EFCAB11: variants seen among roughly 807,000 people sequenced by gnomAD.
EFCAB11 encodes the protein EF-hand calcium binding domain 11.
In EFCAB11, 14 loss-of-function variants were observed where a neutral mutation model predicts 23.0. The observed-to-expected ratio is 0.61, with a 90% CI of 0.40 to 0.95. The LOEUF (loss-of-function observed/expected upper bound fraction) is 0.95, where lower values mean the gene tolerates loss of function less well. EFCAB11 is among the 40% of genes least tolerant of loss of function. The probability of loss-of-function intolerance (pLI) is 0.00; values close to 1 mark genes in which losing one functional copy is unlikely to be tolerated. For synonymous variants in EFCAB11, 65 were observed against 66.6 expected, an observed-to-expected ratio of 0.98 and a Z score of 0.11; for missense variants, 198 against 195.8, an observed-to-expected ratio of 1.01 and a Z score of -0.07.
intron 1 of EFCAB11, 98 bp downstream of exon 1, chr14:89,954,488 T>C: frequency 1.3e-6 from 2 of 1,553,774 alleles, no homozygotes; most frequent in South Asian, 1.2e-5. Flanking sequence ...CCAGGTCTTA[T>C]CTGCACACCC....
chr14:89,899,426 G>T (rs775069028), intron 5 of EFCAB11, among the ~76,000 whole-genome samples: 1 of 152,128 alleles, frequency 6.6e-6, no homozygotes, highest in Non-Finnish European at 1.5e-5. Flanking sequence ...CAAAATTCTA[G>T]ACTTTGGACA....
At chr14:89,932,280 C>A (rs1890416157) in intron 4 of EFCAB11, among the ~76,000 whole-genome samples, 1 of 152,060 alleles carries the variant, frequency 6.6e-6, no homozygotes, top group African/African-American at 2.4e-5. Flanking sequence ...TTTTGCAGTC[C>A]CCATGACAAT....
chr14:89,932,832 C>G (rs530840009), intron 3 of EFCAB11, among the ~76,000 whole-genome samples: 1 of 152,152 alleles, frequency 6.6e-6, no homozygotes, highest in Non-Finnish European at 1.5e-5. Context: ...AGATCCAACA[C>G]TAGAAATCAA....
chr14:89,901,761 T>A (rs1258835472), intron 5 of EFCAB11, among the ~76,000 whole-genome samples: 1 of 152,194 alleles, frequency 6.6e-6, no homozygotes, highest in Non-Finnish European at 1.5e-5. Context: ...TAATGGAATG[T>A]AACACAATAC....
At chr14:89,942,315 T>G (rs757822117) in intron 3 of EFCAB11, among the ~76,000 whole-genome samples, 1 of 152,228 alleles carries the variant, frequency 6.6e-6, no homozygotes, top group Non-Finnish European at 1.5e-5. Flanking sequence ...CAGATCTGCA[T>G]GATAACTGTT....
chr14:89,871,921 C>T (rs558752184), intron 5 of EFCAB11, among the ~76,000 whole-genome samples: 2 of 152,322 alleles, frequency 1.3e-5, no homozygotes, highest in South Asian at 4.1e-4. Context: ...AGAACAGAGA[C>T]TGCTGACAGT....
At chr14:89,801,251 T>G (rs1389754269) in intron 5 of EFCAB11, among the ~76,000 whole-genome samples, 4 of 152,248 alleles carry the variant, frequency 2.6e-5, no homozygotes, top group East Asian at 1.9e-4. Context: ...TTCCAAACTG[T>G]TTGTATTACC....
chr14:89,885,074 C>T (rs750832591), intron 5 of EFCAB11, among the ~76,000 whole-genome samples: 6 of 152,296 alleles, frequency 3.9e-5, no homozygotes, highest in Admixed American at 2.0e-4. Flanking sequence ...TTACAACAGA[C>T]GGACTAGACT....
chr14:89,923,458 A>G (rs1890084579), intron 5 of EFCAB11: 1 of 155,784 alleles, frequency 6.4e-6, no homozygotes, highest in African/African-American at 2.4e-5. Context: ...TTGAAACAAA[A>G]CCATTGAAAT....
intron 2 of EFCAB11, among the ~76,000 whole-genome samples, chr14:89,951,403 C>T (rs775432429): frequency 3.9e-5 from 6 of 152,032 alleles, no homozygotes; most frequent in Non-Finnish European, 8.8e-5. Context: ...AAATGACCAC[C>T]CAGACTGTTA....
chr14:89,851,612 AT>A lies in EFCAB11; in HGVS notation c.411-54289del, dbSNP rs2140139888. Among the ~76,000 whole-genome samples the A allele has an allele frequency of 1.3e-5, 2 of 152,336 alleles. 1 individual carries two copies. The highest frequency in any genetic ancestry group is 4.8e-5 in the African/African-American group (2 of 41,578). Reference sequence around the variant, plus strand: ...TCAGACTTCCACTTTAGCATTGACAATTTGGGGCAAAGCAAGCTGAGAGAAA... The same window carrying A: ...TCAGACTTCCACTTTAGCATTGACAATTGGGGCAAAGCAAGCTGAGAGAAA... On this transcript the variant is annotated intron_variant, in intron 5 of 5. Coordinates refer to ENST00000316738, the MANE Select transcript of EFCAB11 (RefSeq NM_145231.4).
chr14:89,896,773 C>CTCAAACTCCTGCATCT (rs1483610228), intron 5 of EFCAB11, among the ~76,000 whole-genome samples: 1 of 152,196 alleles, frequency 6.6e-6, no homozygotes. Context: ...TCACTGAAGC[C>CTCAAACTCCTGCATCT]TCAAACTCCT....
At chr14:89,846,396 A>ACAT (rs1224087385) in intron 5 of EFCAB11, among the ~76,000 whole-genome samples, 4 of 152,214 alleles carry the variant, frequency 2.6e-5, no homozygotes, top group Admixed American at 2.6e-4. Context: ...ACCTCTTTAG[A>ACAT]CATTACATTT....
intron 5 of EFCAB11, among the ~76,000 whole-genome samples, chr14:89,822,168 A>G (rs1472885200): frequency 1.3e-5 from 2 of 152,224 alleles, no homozygotes; most frequent in Non-Finnish European, 2.9e-5. Context: ...ACCAGAGATG[A>G]AAACACTAAC....
chr14:89,835,968 C>T lies in EFCAB11; in HGVS notation c.411-38644G>A, dbSNP rs531398203. ...TATTGCAGACACTCAACAACCTAAG[C>T]GTAAAGCAAGAAGATGGAGAGTCAG... On this transcript the variant is annotated intron_variant, in intron 5 of 5. Transcript: ENST00000316738. Among the ~76,000 whole-genome samples the T allele has an allele frequency of 3.3e-5, 5 of 152,134 alleles. No individual in the cohort carries two copies. In the South Asian group the frequency reaches 8.3e-4, roughly 25 times the overall value.
intron 5 of EFCAB11, among the ~76,000 whole-genome samples, chr14:89,856,856 G>A (rs1365501407): frequency 6.6e-6 from 1 of 152,146 alleles, no homozygotes; most frequent in Non-Finnish European, 1.5e-5. Context: ...TATATGGTTT[G>A]CAAAAGCCAG....
At chr14:89,823,808 C>T (rs1886602407) in intron 5 of EFCAB11, among the ~76,000 whole-genome samples, 2 of 152,102 alleles carry the variant, frequency 1.3e-5, no homozygotes, top group East Asian at 1.9e-4. Flanking sequence ...AATTCATGGA[C>T]TGGGATCAAT....
Position 89,949,716 on chromosome 14 carries a change from T to C in EFCAB11, c.217+381A>G, listed in dbSNP as rs772206665. Among the ~76,000 whole-genome samples, 48 of 152,272 alleles carry C rather than the reference T, an allele frequency of 3.2e-4. 1 individual carries two copies. Among genetic ancestry groups the C allele is most frequent in the African/African-American group, 4.3e-4 (18 of 41,564 alleles). On this transcript the variant is annotated intron_variant, in intron 3 of 5. Coordinates refer to ENST00000316738, the MANE Select transcript of EFCAB11 (RefSeq NM_145231.4). ...TGTGAGTGTTGTTAGTCTGTTTTCA[T>C]GCTACTGATAAAGACATACCCAAGG... is the stretch of plus-strand genomic sequence containing the variant.
At chr14:89,882,948 T>C (rs1453999860) in intron 5 of EFCAB11, among the ~76,000 whole-genome samples, 5 of 152,140 alleles carry the variant, frequency 3.3e-5, no homozygotes, top group Non-Finnish European at 5.9e-5. Flanking sequence ...TCTTACTCTA[T>C]TAGTTCCCAC....
Sources: gnomAD v4.1 joint callset for allele counts (sites outside exome capture counted in the v4.1 genomes callset) on GRCh38, gnomAD v4.1.1 for gene constraint, MANE v1.5 for transcripts, NCBI Gene and HGNC (gene_info 2026-07-23, HGNC 2026-07-21) for gene names.